Variants in PRR16 observed in about 807,000 individuals in gnomAD.
PRR16 encodes the protein proline rich 16, also known as protein Largen.
Under a neutral mutation model 18.2 loss-of-function variants are expected in PRR16, and 6 were observed. The observed-to-expected ratio is 0.33, with a 90% CI of 0.18 to 0.65. The LOEUF is 0.65. Ranked by LOEUF, PRR16 falls within the 30% of genes least tolerant of loss-of-function variation. The probability of loss-of-function intolerance (pLI) is 0.74; values close to 1 mark genes in which losing one functional copy is unlikely to be tolerated. For synonymous variants in PRR16, 151 were observed against 147.8 expected, an observed-to-expected ratio of 1.02 and a Z score of -0.16; for missense variants, 412 against 376.6, an observed-to-expected ratio of 1.09 and a Z score of -0.78.
At chr5:120,625,684 G>T (rs1754839486) in intron 1 of PRR16, among the ~76,000 whole-genome samples, 2 of 152,246 alleles carry the variant, frequency 1.3e-5, no homozygotes, top group East Asian at 1.9e-4. Context: ...ATGTGGGTTT[G>T]TGCCTGGTAG....
chr5:120,502,667 T>C (rs891532463), intron 1 of PRR16, among the ~76,000 whole-genome samples: 1 of 152,182 alleles, frequency 6.6e-6, no homozygotes, highest in Non-Finnish European at 1.5e-5. Context: ...GCAAATCTTT[T>C]AATCCCTATT....
intron 1 of PRR16, among the ~76,000 whole-genome samples, chr5:120,537,530 A>T (rs1055710427): frequency 1.3e-5 from 2 of 151,966 alleles, no homozygotes; most frequent in African/African-American, 4.8e-5. Context: ...TCATTGTACT[A>T]GTGGTTATTA....
intron 1 of PRR16, among the ~76,000 whole-genome samples, chr5:120,614,940 T>G (rs564295472): frequency 4.6e-5 from 7 of 152,296 alleles, no homozygotes; most frequent in African/African-American, 1.7e-4. Context: ...GAAGATTAAT[T>G]ACAAAGCCCA....
At chr5:120,744,468 A>G in the PRR16 span, among the ~76,000 whole-genome samples, 1 of 152,166 alleles carries the variant, frequency 6.6e-6, no homozygotes, top group African/African-American at 2.4e-5. Flanking sequence ...TTTCCTGCAT[A>G]TGCTCTGTCT....
intron 1 of PRR16, among the ~76,000 whole-genome samples, chr5:120,680,023 T>C (rs886184997): frequency 3.3e-5 from 5 of 152,266 alleles, no homozygotes; most frequent in East Asian, 3.9e-4. Context: ...AATGGGTAAC[T>C]ATGTGAGATG....
intron 1 of PRR16, among the ~76,000 whole-genome samples, chr5:120,592,209 A>G (rs997738003): frequency 2.0e-5 from 3 of 152,196 alleles, no homozygotes; most frequent in African/African-American, 7.2e-5. Flanking sequence ...TGAAGTCTGC[A>G]TGCTGCTTCC....
At chr5:120,575,968 A>G (rs538874927) in intron 1 of PRR16, among the ~76,000 whole-genome samples, 26 of 152,196 alleles carry the variant, frequency 1.7e-4, no homozygotes, top group Non-Finnish European at 3.7e-4. Flanking sequence ...GTATAACTGG[A>G]TATGATGCAG....
chr5:120,727,004 A>G, the PRR16 span, among the ~76,000 whole-genome samples: 1 of 151,986 alleles, frequency 6.6e-6, no homozygotes, highest in African/African-American at 2.4e-5. Context: ...ACCCAGTGAA[A>G]TCCCCTTTCA....
At chr5:120,470,697 C>T (rs1000022857) in intron 1 of PRR16, among the ~76,000 whole-genome samples, 3 of 152,028 alleles carry the variant, frequency 2.0e-5, no homozygotes, top group Admixed American at 6.6e-5. Context: ...CTCTTCTCAG[C>T]GCATTTATTT....
the PRR16 span, among the ~76,000 whole-genome samples, chr5:120,726,002 C>T: frequency 0.35 from 53,275 of 151,608 alleles, 11,002 homozygotes; most frequent in Middle Eastern, 0.52. Flanking sequence ...GGAAAGGTCT[C>T]GGGAAAGAGG....
chr5:120,711,082 C>G, the PRR16 span, among the ~76,000 whole-genome samples: 3 of 152,140 alleles, frequency 2.0e-5, no homozygotes, highest in African/African-American at 4.8e-5. Context: ...TTCTGCCTTC[C>G]TCTTCAACAT....
chr5:120,764,593 A>G, the PRR16 span, among the ~76,000 whole-genome samples: 6,759 of 152,034 alleles, frequency 0.044, 520 homozygotes, highest in African/African-American at 0.15. Context: ...CCTATTAACT[A>G]TGGATAACAT....
At chr5:120,539,074 A>G (rs1751824036) in intron 1 of PRR16, among the ~76,000 whole-genome samples, 1 of 152,166 alleles carries the variant, frequency 6.6e-6, no homozygotes, top group South Asian at 2.1e-4. Flanking sequence ...GTGGCTCAGT[A>G]TGGCTGTTAG....
At chr5:120,729,358 C>G in the PRR16 span, among the ~76,000 whole-genome samples, 1 of 152,068 alleles carries the variant, frequency 6.6e-6, no homozygotes, top group African/African-American at 2.4e-5. Context: ...TTCTTACCTA[C>G]TAAAGTGGCA....
the PRR16 span, among the ~76,000 whole-genome samples, chr5:120,749,195 T>C: frequency 6.6e-6 from 1 of 152,064 alleles, no homozygotes; most frequent in African/African-American, 2.4e-5. Context: ...AATAAAGGTA[T>C]GATTTGAAAA....
At chr5:120,588,016 G>A (rs1691340902) in intron 1 of PRR16, among the ~76,000 whole-genome samples, 1 of 152,182 alleles carries the variant, frequency 6.6e-6, no homozygotes, top group Non-Finnish European at 1.5e-5. Flanking sequence ...CCTCATGGAT[G>A]ACTTTGAGAG....
chr5:120,513,399 T>C (rs1750890910), intron 1 of PRR16, among the ~76,000 whole-genome samples: 1 of 152,190 alleles, frequency 6.6e-6, no homozygotes, highest in South Asian at 2.1e-4. Context: ...GATGGTAATG[T>C]CTTATTGTCT....
At chr5:120,665,934 A>G (rs1181996268) in intron 1 of PRR16, among the ~76,000 whole-genome samples, 13 of 151,900 alleles carry the variant, frequency 8.6e-5, no homozygotes, top group African/African-American at 2.4e-4. Flanking sequence ...TTGACTTGGC[A>G]ATGTGGGCTC....
intron 1 of PRR16, among the ~76,000 whole-genome samples, chr5:120,635,549 C>T (rs910783259): frequency 3.3e-5 from 5 of 152,040 alleles, no homozygotes; most frequent in African/African-American, 1.2e-4. Flanking sequence ...GTATTAAAAG[C>T]ATGTGACAAA....
Sources: allele counts gnomAD v4.1 joint callset (sites outside exome capture counted in the v4.1 genomes callset), GRCh38; gene constraint gnomAD v4.1.1; transcripts MANE v1.5; gene names NCBI Gene and HGNC (gene_info 2026-07-23, HGNC 2026-07-21).